The following INSIG2 variants were observed in gnomAD, a reference collection of about 807,000 sequenced individuals.
The protein encoded by INSIG2 is insulin induced gene 2, also known as insulin-induced gene 2 protein.
In INSIG2, 10 loss-of-function variants were observed where a neutral mutation model predicts 27.2. The observed-to-expected ratio is 0.37, with a 90% CI of 0.23 to 0.62. The LOEUF is 0.62. Among genes scored for constraint, INSIG2 ranks in the 20% least tolerant of loss-of-function variants. The pLI is 0.65. For synonymous variants in INSIG2, 97 were observed against 95.8 expected, an observed-to-expected ratio of 1.01 and a Z score of -0.07; for missense variants, 178 against 270.2, an observed-to-expected ratio of 0.66 and a Z score of 2.39.
chr2:118,088,947 C>T (rs149445966), intron 1 of INSIG2, among the ~76,000 whole-genome samples: 1 of 152,164 alleles, frequency 6.6e-6, no homozygotes, highest in African/African-American at 2.4e-5. Context: ...CAGACTTGGG[C>T]GGGGATTGGA....
chr2:118,102,788 G>C (rs1678578577), intron 2 of INSIG2: 1 of 164,020 alleles, frequency 6.1e-6, no homozygotes, highest in African/African-American at 2.4e-5. Flanking sequence ...AATATTTTAT[G>C]GTTTGGAGTT....
In INSIG2 at chr2:118,103,216, C is replaced by A. The variant is rs1678592636; in HGVS notation, c.264C>A (p.Tyr88Ter). The change falls in exon 3 of 6, where the codon TAC becomes TAA. Residue 88 changes from tyrosine to a stop codon, truncating the protein, a stop_gained. Transcript: ENST00000245787. LOFTEE classifies it high-confidence loss of function. The stretch of plus-strand genomic sequence containing the variant: ...CTACAGCTGTGATTGGGTTATTATA[C>A]CCCTGCATTGACAGACATCTAGGAG... ...GTASAVIGLL[Y>*]PCIDRHLGEP... 6.2e-7 allele frequency: 1 copy of A among 1,613,158 alleles called. No homozygotes were observed. The highest frequency in any genetic ancestry group is 8.5e-7 in the Non-Finnish European group (1 of 1,179,626).
chr2:118,109,172 A>G lies in INSIG2; in HGVS notation c.*850A>G, dbSNP rs1466256112. Reference sequence around the variant, plus strand: ...CAAAGTGATATTAGCTGTCATCTGCAATACAGAATCTCATTGCTTTTGCAC... The same window carrying G: ...CAAAGTGATATTAGCTGTCATCTGCGATACAGAATCTCATTGCTTTTGCAC... On this transcript the variant is annotated 3_prime_UTR_variant, in exon 6 of 6. Coordinates refer to ENST00000245787, the MANE Select transcript of INSIG2 (RefSeq NM_016133.4). 1 of 152,246 alleles carries G rather than the reference A, an allele frequency of 6.6e-6. No individual in the cohort carries two copies. Among genetic ancestry groups the G allele is most frequent in the Admixed American group, 6.5e-5 (1 of 15,288 alleles). The allele number at this position is 152,246 out of a possible 1,614,324, so 9.4% of individuals were successfully genotyped here. A position where few individuals can be genotyped will look rare whatever the true frequency, so the allele number is the denominator to read the frequency against.
At chr2:118,100,440 G>A (rs1291070476) in intron 2 of INSIG2, among the ~76,000 whole-genome samples, 3 of 136,446 alleles carry the variant, frequency 2.2e-5, no homozygotes, top group Admixed American at 8.1e-5. Flanking sequence ...GTGCAGTGGC[G>A]CCATCTCGGC....
chr2:118,106,807 C>T lies in INSIG2; in HGVS notation c.440C>T (p.Thr147Ile). 2 of 1,614,072 alleles carry T rather than the reference C, an allele frequency of 1.2e-6. No homozygotes were observed. Among genetic ancestry groups the T allele is most frequent in the Non-Finnish European group, 1.7e-6 (2 of 1,179,938 alleles). The change falls in exon 4 of 6, where the codon ACT (threonine) becomes ATT (isoleucine). Residue 147 changes from threonine to isoleucine, a missense_variant. Coordinates refer to ENST00000245787, the MANE Select transcript of INSIG2 (RefSeq NM_016133.4). ...GCACTATCCATTGGACTGTGGTGGA[C>T]TTTTGATAGATCTAGAAGTGGTTTT... is the stretch of plus-strand genomic sequence containing the variant. ...LAALSIGLWW[T>I]FDRSRSGFGL...
chr2:118,096,762 C>T lies in INSIG2; in HGVS notation c.206C>T (p.Ser69Phe). Reference sequence around the variant, plus strand: ...GATGTGATTGCAAGCATCTTTTCTTCTGCATGGTGGGTACCCCCATGCTGT... The same window carrying T: ...GATGTGATTGCAAGCATCTTTTCTTTTGCATGGTGGGTACCCCCATGCTGT... Reference protein sequence around the residue: ...PPDVIASIFSSAWWVPPCCGT... With the variant: ...PPDVIASIFSFAWWVPPCCGT... The change falls in exon 2 of 6, where the codon TCT becomes TTT. Residue 69 changes from serine (S) to phenylalanine (F), a missense_variant. By Grantham distance (155) the Ser-to-Phe change is radical. Coordinates refer to ENST00000245787, the MANE Select transcript of INSIG2 (RefSeq NM_016133.4). 1 of 1,613,866 alleles carries T rather than the reference C, an allele frequency of 6.2e-7. No individual in the cohort carries two copies.
chr2:118,105,871 T>C (rs557970858), intron 3 of INSIG2, among the ~76,000 whole-genome samples: 2 of 152,300 alleles, frequency 1.3e-5, no homozygotes, highest in Admixed American at 1.3e-4. Flanking sequence ...CTTTGGGACA[T>C]AGATAATGCC....
chr2:118,106,641 T>C, intron 3 of INSIG2, 96 bp from the exon 4 acceptor site: 1 of 917,498 alleles, frequency 1.1e-6, no homozygotes, highest in Admixed American at 2.4e-5. Flanking sequence ...AAGCAATTAA[T>C]TCCCTTCTCA....
chr2:118,103,361 G>T, intron 3 of INSIG2, 40 bp downstream of exon 3: 1 of 1,563,308 alleles, frequency 6.4e-7, no homozygotes, highest in Non-Finnish European at 8.7e-7. Flanking sequence ...ATAACAAAGT[G>T]GCTTCCAACA....
intron 5 of INSIG2, 83 bp downstream of exon 5, chr2:118,107,272 A>G (rs1678697155): frequency 2.4e-6 from 2 of 843,336 alleles, no homozygotes; most frequent in Non-Finnish European, 3.9e-6. Context: ...AGGGAAAGCA[A>G]TTTGTGAAGA....
At chr2:118,104,010 T>C (rs1558836619) in intron 3 of INSIG2, among the ~76,000 whole-genome samples, 1 of 152,232 alleles carries the variant, frequency 6.6e-6, no homozygotes, top group African/African-American at 2.4e-5. Context: ...GTTTTCCTCC[T>C]ATCATCCTCT....
At chr2:118,091,326 G>T (rs1312449015) in intron 1 of INSIG2, among the ~76,000 whole-genome samples, 1 of 152,126 alleles carries the variant, frequency 6.6e-6, no homozygotes, top group African/African-American at 2.4e-5. Context: ...GATGAGTCTG[G>T]TCATTTTCTG....
chr2:118,096,601 C>T lies in INSIG2; in HGVS notation c.45C>T (p.Gly15=). 1 of 1,613,764 alleles carries T rather than the reference C, an allele frequency of 6.2e-7. No homozygotes were observed. Among genetic ancestry groups the T allele is most frequent in the Non-Finnish European group, 8.5e-7 (1 of 1,179,838 alleles). ...AGTCACCTGGGCCCAAAAAGTGTGG[C>T]CCATATATTTCATCTGTCACTAGCC... ...ETESPGPKKC[G]PYISSVTSQS... is the part of the protein sequence containing the mutation. The change falls in exon 2 of 6, where the codon GGC becomes GGT. Residue 15 remains glycine, a synonymous_variant. Transcript: ENST00000245787.
intron 3 of INSIG2, among the ~76,000 whole-genome samples, chr2:118,105,978 T>C (rs1318798295): frequency 1.3e-5 from 2 of 152,190 alleles, no homozygotes; most frequent in East Asian, 3.8e-4. Flanking sequence ...CCAGAGATTT[T>C]GGTGTAGAAA....
chr2:118,100,126 A>C (rs1325423660), intron 2 of INSIG2, among the ~76,000 whole-genome samples: 1 of 151,908 alleles, frequency 6.6e-6, no homozygotes, highest in African/African-American at 2.4e-5. Context: ...CCAGTTTTCC[A>C]TGAATGTCCT....
Position 118,105,064 on chromosome 2 carries a change from G to A in INSIG2, c.370-1673G>A, listed in dbSNP as rs180808449. ...GCACTATTTTTTTATTTTTTGAGAC[G>A]GAGTCTTGCTCTGTCACCCAGGCTG... On this transcript the variant is annotated intron_variant, in intron 3 of 5. Transcript: ENST00000245787. Among the ~76,000 whole-genome samples, 10 of 151,992 alleles carry A rather than the reference G, an allele frequency of 6.6e-5. No homozygotes were observed. In the East Asian group the frequency reaches 7.7e-4, roughly 12 times the overall value.
chr2:118,095,115 C>T (rs1218389521), intron 1 of INSIG2, among the ~76,000 whole-genome samples: 1 of 152,104 alleles, frequency 6.6e-6, no homozygotes, highest in Non-Finnish European at 1.5e-5. Flanking sequence ...GCAACTATAC[C>T]TTTAATTAGA....
Position 118,092,603 on chromosome 2 carries a change from T to A in INSIG2, c.-138-3816T>A, listed in dbSNP as rs568810739. Among the ~76,000 whole-genome samples the A allele has an allele frequency of 1.6e-3, 244 of 152,300 alleles. 2 individuals carry two copies. The highest frequency in any genetic ancestry group is 0.011 in the South Asian group (51 of 4,826). Reference sequence around the variant, plus strand: ...AGAGGCAAGAGGATGGGTTTTGGAATCAGACCTGAAGTGGAATTTCAGTTT... The same window carrying A: ...AGAGGCAAGAGGATGGGTTTTGGAAACAGACCTGAAGTGGAATTTCAGTTT... On this transcript the variant is annotated intron_variant, in intron 1 of 5. Coordinates refer to ENST00000245787, the MANE Select transcript of INSIG2 (RefSeq NM_016133.4).
At chr2:118,098,588 T>C (rs1428358795) in intron 2 of INSIG2, among the ~76,000 whole-genome samples, 1 of 152,196 alleles carries the variant, frequency 6.6e-6, no homozygotes, top group East Asian at 1.9e-4. Context: ...TGGAATTCCC[T>C]GGCGTGTGTT....
Sources: allele counts gnomAD v4.1 joint callset (sites outside exome capture counted in the v4.1 genomes callset), GRCh38; gene constraint gnomAD v4.1.1; transcripts MANE v1.5; gene names NCBI Gene and HGNC (gene_info 2026-07-23, HGNC 2026-07-21).